The following GPR89B variants were observed in gnomAD, a reference collection of about 807,000 sequenced individuals.
GPR89B encodes G protein-coupled receptor 89B.
In GPR89B, 25 loss-of-function variants were observed where a neutral mutation model predicts 52.4. That is an observed-to-expected ratio of 0.48 (90% CI 0.35 to 0.67). The LOEUF is 0.67. Ranked by LOEUF, GPR89B falls within the 30% of genes least tolerant of loss-of-function variation. GPR89B has a pLI of 0.01. For synonymous variants in GPR89B, 52 were observed against 151.2 expected, an observed-to-expected ratio of 0.34 and a Z score of 4.81; for missense variants, 146 against 450.2, an observed-to-expected ratio of 0.32 and a Z score of 6.11.
the GPR89B span, chr1:148,012,133 C>CTA: frequency 3.3e-5 from 5 of 152,096 alleles, no homozygotes; most frequent in East Asian, 1.9e-4. Context: ...GATGGCCATA[C>CTA]TATGTTGGAA....
chr1:147,936,952 C>T (rs1553248054), intron 2 of GPR89B, among the ~76,000 whole-genome samples: 1 of 151,974 alleles, frequency 6.6e-6, no homozygotes, highest in Non-Finnish European at 1.5e-5. Flanking sequence ...AATAGTTATT[C>T]TGTAGGAGAG....
At chr1:147,991,759 G>C (rs1273321154) in intron 12 of GPR89B, among the ~76,000 whole-genome samples, 2 of 152,052 alleles carry the variant, frequency 1.3e-5, no homozygotes, top group Non-Finnish European at 2.9e-5. Flanking sequence ...TTATTGATTT[G>C]CATATGTTGA....
At chr1:148,017,008 G>GCTTA in the GPR89B span, among the ~76,000 whole-genome samples, 1 of 151,602 alleles carries the variant, frequency 6.6e-6, no homozygotes. Flanking sequence ...TTGCTTGCTT[G>GCTTA]CTTGCTTGCT....
chr1:147,952,232 T>G (rs2995485), intron 5 of GPR89B, among the ~76,000 whole-genome samples: 1 of 151,960 alleles, frequency 6.6e-6, no homozygotes, highest in African/African-American at 2.4e-5. Context: ...AAAATCAGTA[T>G]GCATTCTAGC....
chr1:148,011,636 G>C, the GPR89B span: 1 of 152,172 alleles, frequency 6.6e-6, no homozygotes, highest in Non-Finnish European at 1.5e-5. Context: ...GTGGAGATGA[G>C]GGGAGCAGCG....
At chr1:147,995,964 G>T (rs1659306972), downstream of GPR89B, 1 of 1,384,298 alleles carries the variant, frequency 7.2e-7, no homozygotes, top group Admixed American at 1.7e-5. Context: ...GAGGATAGAT[G>T]AGGAGCTCAA....
At chr1:147,962,536 G>A (rs1160161914) in intron 7 of GPR89B, among the ~76,000 whole-genome samples, 1 of 151,824 alleles carries the variant, frequency 6.6e-6, no homozygotes, top group Non-Finnish European at 1.5e-5. Context: ...TCACCAAATG[G>A]TGCTAGAGCA....
Position 147,962,424 on chromosome 1 carries a change from A to C in GPR89B, c.618-4130A>C, listed in dbSNP as rs1427066559. 7.6e-3 allele frequency among the ~76,000 whole-genome samples: 756 copies of C among 99,576 alleles called. 12 individuals are homozygous for C. The highest frequency in any genetic ancestry group is 0.03 in the African/African-American group (719 of 23,764). The allele number at this position is 99,576 out of a possible 152,430, so 65.3% of individuals were successfully genotyped here. A position where few individuals can be genotyped will look rare whatever the true frequency, so the allele number is the denominator to read the frequency against. ...GGGTGACAGAGCCAAACTCTGTCTC[A>C]AAAAAAAAAAAAAAAGAAAAGAAAA... On this transcript the variant is annotated intron_variant, in intron 7 of 13. Transcript: ENST00000314163.
At chr1:148,019,117 T>C in the GPR89B span, among the ~76,000 whole-genome samples, 1 of 151,160 alleles carries the variant, frequency 6.6e-6, no homozygotes, top group Non-Finnish European at 1.5e-5. Flanking sequence ...GCTGGGACTA[T>C]AGGCACGCGC....
rs1469288211 is a variant in GPR89B at position 147,963,269 on chromosome 1, G to A, written c.618-3285G>A. Reference sequence around the variant, plus strand: ...CGGGCACCTGTAATCCCAACTACTCGGGAGGCTGAGGCAGGAAAATGGCTT... The same window carrying A: ...CGGGCACCTGTAATCCCAACTACTCAGGAGGCTGAGGCAGGAAAATGGCTT... On this transcript the variant is annotated intron_variant, in intron 7 of 13. Coordinates refer to ENST00000314163, the MANE Select transcript of GPR89B (RefSeq NM_016334.5). Among the ~76,000 whole-genome samples, 146 of 151,380 alleles carry A rather than the reference G, an allele frequency of 9.6e-4. 1 individual carries two copies. Among genetic ancestry groups the A allele is most frequent in the Non-Finnish European group, 1.6e-4 (11 of 67,896 alleles).
At chr1:147,979,369 C>T (rs1658071006) in intron 10 of GPR89B, among the ~76,000 whole-genome samples, 2 of 151,936 alleles carry the variant, frequency 1.3e-5, no homozygotes, top group African/African-American at 4.8e-5. Flanking sequence ...TCTTCTTATC[C>T]TTTTTCTCCT....
intron 7 of GPR89B, among the ~76,000 whole-genome samples, chr1:147,965,907 C>A (rs2784323): frequency 6.6e-6 from 1 of 151,422 alleles, no homozygotes; most frequent in African/African-American, 2.4e-5. Flanking sequence ...CGTGCAGTGG[C>A]GTGATCTCAG....
intron 5 of GPR89B, among the ~76,000 whole-genome samples, chr1:147,947,165 T>C (rs1423814038): frequency 6.6e-6 from 1 of 151,894 alleles, no homozygotes; most frequent in Non-Finnish European, 1.5e-5. Flanking sequence ...CAAAACCCCG[T>C]CTGTACTAAA....
rs1351768911 is a variant in GPR89B, at chr1:147,977,262, A to C, written c.909+7303A>C. ...AAAAAAAAAAAAAAAAAAAAAAAAA[A>C]CAGAATGTTGAATATTGACTCCCAA... On this transcript the variant is annotated intron_variant, in intron 10 of 13. Transcript: ENST00000314163. Among the ~76,000 whole-genome samples the C allele has an allele frequency of 5.3e-3, 706 of 133,672 alleles. 3 individuals are homozygous for C. Among genetic ancestry groups the C allele is most frequent in the African/African-American group, 0.017 (609 of 35,332 alleles). 87.7% of individuals were successfully genotyped at this position (133,672 alleles called of 152,430 possible). A position where few individuals can be genotyped will look rare whatever the true frequency, so the allele number is the denominator to read the frequency against.
chr1:147,928,658 T>G, intron 1 of GPR89B, 80 bp downstream of exon 1: 1 of 1,575,714 alleles, frequency 6.3e-7, no homozygotes, highest in Non-Finnish European at 8.7e-7. Context: ...CGGTGCGGGC[T>G]GGTCCGGGGT....
intron 10 of GPR89B, among the ~76,000 whole-genome samples, chr1:147,985,177 C>G (rs1176106829): frequency 6.6e-6 from 1 of 152,060 alleles, no homozygotes; most frequent in Non-Finnish European, 1.5e-5. Context: ...TTGTGTACCC[C>G]TTGTTGAAAT....
At chr1:147,999,375 G>A in the GPR89B span, among the ~76,000 whole-genome samples, 19 of 150,356 alleles carry the variant, frequency 1.3e-4, 1 homozygote, top group African/African-American at 4.4e-4. Flanking sequence ...TTGGGAGGCC[G>A]AGGCGGGCGG....
the GPR89B span, among the ~76,000 whole-genome samples, chr1:148,025,178 T>A: frequency 6.6e-6 from 1 of 151,908 alleles, no homozygotes; most frequent in Non-Finnish European, 1.5e-5. Flanking sequence ...AGAGCACTGC[T>A]TTTGTTTACT....
chr1:147,971,464 C>CTTTTTTT (rs1196935183), intron 10 of GPR89B, among the ~76,000 whole-genome samples: 55 of 70,254 alleles, frequency 7.8e-4, no homozygotes, highest in African/African-American at 1.3e-3. Flanking sequence ...GGAAGCATGT[C>CTTTTTTT]TTTTTTTTTT....
Sources: allele counts gnomAD v4.1 joint callset (sites outside exome capture counted in the v4.1 genomes callset), GRCh38; gene constraint gnomAD v4.1.1; transcripts MANE v1.5; gene names NCBI Gene and HGNC (gene_info 2026-07-23, HGNC 2026-07-21).